RBKS: variants seen among roughly 807,000 people sequenced by gnomAD.
The protein encoded by RBKS is ribokinase.
Under a neutral mutation model 33.9 loss-of-function variants are expected in RBKS, and 33 were observed. The observed-to-expected ratio is 0.97, with a 90% CI of 0.74 to 1.30. The LOEUF is 1.30. Ranked by LOEUF, RBKS falls within the 50% of genes most tolerant of loss-of-function variation. The pLI, the probability that RBKS is intolerant of heterozygous loss-of-function variation, is 0.00. For missense variants in RBKS, 361 were observed against 392.6 expected, an observed-to-expected ratio of 0.92 and a Z score of 0.68; for synonymous variants, 125 against 143.0, an observed-to-expected ratio of 0.87 and a Z score of 0.90.
intron 7 of RBKS, among the ~76,000 whole-genome samples, chr2:27,826,042 G>A (rs2148201726): frequency 6.6e-6 from 1 of 152,276 alleles, no homozygotes; most frequent in East Asian, 1.9e-4. Flanking sequence ...TGACAAAACA[G>A]AAAATAAACT....
chr2:27,840,160 C>T (rs1285638932), intron 5 of RBKS, among the ~76,000 whole-genome samples: 3 of 151,588 alleles, frequency 2.0e-5, no homozygotes, highest in South Asian at 4.2e-4. Flanking sequence ...GCTGGGACTA[C>T]AGGCACCCAC....
chr2:27,789,527 T>C (rs1159024990), intron 7 of RBKS, among the ~76,000 whole-genome samples: 1 of 151,614 alleles, frequency 6.6e-6, no homozygotes, highest in Non-Finnish European at 1.5e-5. Flanking sequence ...GCCTCCCAAG[T>C]AGCTGGGAGT....
chr2:27,826,367 G>C (rs1678312229), intron 7 of RBKS, among the ~76,000 whole-genome samples: 1 of 150,074 alleles, frequency 6.7e-6, no homozygotes, highest in Non-Finnish European at 1.5e-5. Context: ...CTCAAGTCTA[G>C]TTTACTTACT....
At chr2:27,816,757 C>A (rs1453346443) in intron 7 of RBKS, among the ~76,000 whole-genome samples, 1 of 152,154 alleles carries the variant, frequency 6.6e-6, no homozygotes, top group East Asian at 1.9e-4. Context: ...GCCACCACGC[C>A]CAGCTAATTT....
At chr2:27,826,182 T>C (rs1558542691) in intron 7 of RBKS, among the ~76,000 whole-genome samples, 4 of 152,248 alleles carry the variant, frequency 2.6e-5, no homozygotes, top group Non-Finnish European at 5.9e-5. Flanking sequence ...TTTCTTGCAC[T>C]TGAATATTTT....
intron 1 of RBKS, among the ~76,000 whole-genome samples, chr2:27,874,919 A>G (rs1664282669): frequency 6.6e-6 from 1 of 152,154 alleles, no homozygotes; most frequent in African/African-American, 2.4e-5. Flanking sequence ...CTCTTATACT[A>G]TTAGCTTCTT....
intron 1 of RBKS, chr2:27,870,008 T>G (rs1352564771): frequency 6.6e-6 from 1 of 152,332 alleles, no homozygotes; most frequent in South Asian, 2.1e-4. Flanking sequence ...GTTGGTCCTT[T>G]TCCAGCACGG....
chr2:27,796,576 T>A (rs999657100), intron 7 of RBKS, among the ~76,000 whole-genome samples: 1 of 152,004 alleles, frequency 6.6e-6, no homozygotes, highest in East Asian at 1.9e-4. Flanking sequence ...TGGTGCCCAT[T>A]GAGGAAGCTG....
intron 5 of RBKS, among the ~76,000 whole-genome samples, chr2:27,836,930 A>G (rs2148207820): frequency 6.6e-6 from 1 of 150,948 alleles, no homozygotes; most frequent in East Asian, 1.9e-4. Context: ...AGAAATGCAA[A>G]TCAAACTATA....
intron 7 of RBKS, among the ~76,000 whole-genome samples, chr2:27,803,942 T>C (rs1400250988): frequency 3.3e-5 from 5 of 152,044 alleles, no homozygotes; most frequent in South Asian, 2.1e-4. Context: ...TCCCAGCTAC[T>C]TGGGAGGCTG....
chr2:27,822,950 T>C (rs574138515), intron 7 of RBKS, among the ~76,000 whole-genome samples: 1 of 152,344 alleles, frequency 6.6e-6, no homozygotes, highest in East Asian at 1.9e-4. Context: ...GCAATTTATA[T>C]GTCAAGAATT....
intron 1 of RBKS, among the ~76,000 whole-genome samples, chr2:27,864,739 C>A (rs1234194696): frequency 6.6e-6 from 1 of 152,124 alleles, no homozygotes; most frequent in Non-Finnish European, 1.5e-5. Flanking sequence ...GTTCTCCAGT[C>A]CCCCACAAGG....
In RBKS at chr2:27,817,870, A is replaced by G. The variant is rs371681706; in HGVS notation, c.795+9697T>C. On this transcript the variant is annotated intron_variant, in intron 7 of 7. Transcript: ENST00000302188. ...TCAGATCTCGTGAGAACTCACTATC[A>G]CAAGAATAGCATGGCGAAAAGTGCC... is the stretch of plus-strand genomic sequence containing the variant. 1.2e-4 allele frequency among the ~76,000 whole-genome samples: 19 copies of G among 152,214 alleles called. No homozygotes were observed. The East Asian group carries it at 1.9e-3, about 15-fold the overall frequency.
intron 6 of RBKS, among the ~76,000 whole-genome samples, 160 bp downstream of exon 6, chr2:27,832,526 A>G (rs1678437387): frequency 6.6e-6 from 1 of 152,170 alleles, no homozygotes; most frequent in African/African-American, 2.4e-5. Context: ...GGATTTACTA[A>G]TTTCCTTTTC....
At chr2:27,814,089 T>C (rs1573044226) in intron 7 of RBKS, among the ~76,000 whole-genome samples, 1 of 150,632 alleles carries the variant, frequency 6.6e-6, no homozygotes, top group East Asian at 1.9e-4. Flanking sequence ...GGCATAATGG[T>C]GTATGCCTGT....
At chr2:27,792,323 T>G (rs1677545870) in intron 7 of RBKS, among the ~76,000 whole-genome samples, 1 of 152,252 alleles carries the variant, frequency 6.6e-6, no homozygotes, top group Non-Finnish European at 1.5e-5. Context: ...GAAATTAATG[T>G]AAATTCTCTG....
In RBKS at chr2:27,789,985, G is replaced by GGAGAGAGA. The variant is rs1558533164; in HGVS notation, c.796-8198_796-8197insTCTCTCTC. Among the ~76,000 whole-genome samples, 41 of 112,204 alleles carry GGAGAGAGA rather than the reference G, an allele frequency of 3.7e-4. 1 individual carries two copies. Among genetic ancestry groups the GGAGAGAGA allele is most frequent in the African/African-American group, 1.5e-3 (38 of 25,442 alleles). The allele number at this position is 112,204 out of a possible 152,430, so 73.6% of individuals were successfully genotyped here. On this transcript the variant is annotated intron_variant, in intron 7 of 7. Coordinates refer to ENST00000302188, the MANE Select transcript of RBKS (RefSeq NM_022128.3). ...TATATATATATATGTATATATATAT[G>GGAGAGAGA]TAGAGAGAGAGAGAGAGAGAGAGAG...
Position 27,887,620 on chromosome 2 carries a change from A to G in RBKS, c.89+2637T>C, listed in dbSNP as rs553129918. ...AGTTTGTTGAAAAGCTGTGGGAATTAGCAGAGAGAGTCTATATGGGAATAC... is the reference window on the plus strand; with the variant it reads ...AGTTTGTTGAAAAGCTGTGGGAATTGGCAGAGAGAGTCTATATGGGAATAC... On this transcript the variant is annotated intron_variant, in intron 1 of 7. Transcript: ENST00000302188. Among the ~76,000 whole-genome samples, 3 of 152,348 alleles carry G rather than the reference A, an allele frequency of 2.0e-5. No individual in the cohort carries two copies. The South Asian group carries it at 6.2e-4, about 32-fold the overall frequency.
At chr2:27,846,089 T>G (rs1185693121) in intron 4 of RBKS, among the ~76,000 whole-genome samples, 1 of 152,068 alleles carries the variant, frequency 6.6e-6, no homozygotes, top group Non-Finnish European at 1.5e-5. Context: ...CTCAGCCTCC[T>G]GAGTAGCTGA....
Sources: allele counts gnomAD v4.1 joint callset (sites outside exome capture counted in the v4.1 genomes callset), GRCh38; gene constraint gnomAD v4.1.1; transcripts MANE v1.5; gene names NCBI Gene and HGNC (gene_info 2026-07-23, HGNC 2026-07-21).